Variants in KCND2 observed in about 807,000 individuals in gnomAD.
KCND2 encodes the protein potassium voltage-gated channel subfamily D member 2, also known as A-type voltage-gated potassium channel KCND2.
In KCND2, 16 loss-of-function variants were observed where a neutral mutation model predicts 54.4. The ratio of observed to expected loss-of-function variants is 0.29; its 90% CI spans 0.20 to 0.45. KCND2 has a LOEUF of 0.45. KCND2 is among the 20% of genes least tolerant of loss of function. KCND2 has a pLI of 1.00. For missense variants in KCND2, 486 were observed against 824.2 expected (o/e 0.59, Z 5.02); for synonymous variants, 317 against 310.7 (o/e 1.02, Z -0.21).
intron 1 of KCND2, among the ~76,000 whole-genome samples, chr7:120,474,210 G>A (rs571783181): frequency 6.6e-6 from 1 of 152,306 alleles, no homozygotes; most frequent in South Asian, 2.1e-4. Flanking sequence ...TCTGAAGTCA[G>A]TGGGCACTGT....
At chr7:120,524,531 T>C (rs1292548503) in intron 1 of KCND2, among the ~76,000 whole-genome samples, 1 of 152,218 alleles carries the variant, frequency 6.6e-6, no homozygotes, top group Non-Finnish European at 1.5e-5. Flanking sequence ...TTTTCCATAA[T>C]TACCATTGTA....
chr7:120,531,499 C>G (rs1157314257), intron 1 of KCND2, among the ~76,000 whole-genome samples: 1 of 152,080 alleles, frequency 6.6e-6, no homozygotes, highest in East Asian at 1.9e-4. Flanking sequence ...CTGTAACACT[C>G]CCCATCTTAG....
chr7:120,403,314 GT>G (rs72376752), intron 1 of KCND2, among the ~76,000 whole-genome samples: 7,863 of 143,436 alleles, frequency 0.055, 233 homozygotes, highest in Non-Finnish European at 0.07. Flanking sequence ...TATTATTCAT[GT>G]TTTTTTTTTT....
At chr7:120,280,389 C>A (rs1206695413) in intron 1 of KCND2, among the ~76,000 whole-genome samples, 2 of 152,028 alleles carry the variant, frequency 1.3e-5, no homozygotes, top group Admixed American at 6.6e-5. Context: ...GGTTGCCAGA[C>A]AGAGGTATTT....
chr7:120,427,713 AT>A lies in KCND2; in HGVS notation c.1115+151967del, dbSNP rs371291481. 3.6e-3 allele frequency among the ~76,000 whole-genome samples: 553 copies of A among 152,340 alleles called. 2 individuals carry two copies. Among genetic ancestry groups the A allele is most frequent in the Non-Finnish European group, 5.2e-3 (355 of 68,024 alleles). ...GGAATTATTTAATTCTAGTAAAAAA[AT>A]GTCAATATTTTTAAATCAAAAATCA... is the stretch of plus-strand genomic sequence containing the variant. On this transcript the variant is annotated intron_variant, in intron 1 of 5. Transcript: ENST00000331113.
chr7:120,290,374 G>T lies in KCND2; in HGVS notation c.1115+14627G>T, dbSNP rs528928743. 9.2e-5 allele frequency among the ~76,000 whole-genome samples: 14 copies of T among 152,054 alleles called. 1 individual carries two copies. The South Asian group carries it at 2.7e-3, about 29-fold the overall frequency. On this transcript the variant is annotated intron_variant, in intron 1 of 5. Coordinates refer to ENST00000331113, the MANE Select transcript of KCND2 (RefSeq NM_012281.3). ...ACATGAAATAAACTTAGAATTTTGA[G>T]ACCTTTTTGATATGCTGATTCATTC... is the stretch of plus-strand genomic sequence containing the variant.
intron 1 of KCND2, among the ~76,000 whole-genome samples, chr7:120,484,511 C>A (rs1237308279): frequency 2.7e-5 from 4 of 150,514 alleles, no homozygotes; most frequent in Non-Finnish European, 5.9e-5. Flanking sequence ...TAATACAGAA[C>A]CTCCAACTAA....
intron 5 of KCND2, 67 bp downstream of exon 5, chr7:120,746,094 A>G: frequency 6.4e-7 from 1 of 1,560,694 alleles, no homozygotes; most frequent in South Asian, 1.1e-5. Flanking sequence ...TTCTGCACTC[A>G]TGTTGTCACT....
chr7:120,457,544 A>T (rs2116231168), intron 1 of KCND2, among the ~76,000 whole-genome samples: 1 of 152,118 alleles, frequency 6.6e-6, no homozygotes, highest in East Asian at 1.9e-4. Context: ...GTTCTCAATA[A>T]TTTTTTCATC....
At chr7:120,376,554 T>C (rs1344891079) in intron 1 of KCND2, among the ~76,000 whole-genome samples, 1 of 150,706 alleles carries the variant, frequency 6.6e-6, no homozygotes, top group East Asian at 1.9e-4. Context: ...ATATATATGA[T>C]ATGTATTTAT....
At chr7:120,599,654 A>C (rs112623650) in intron 1 of KCND2, among the ~76,000 whole-genome samples, 4 of 152,098 alleles carry the variant, frequency 2.6e-5, no homozygotes, top group African/African-American at 9.6e-5. Flanking sequence ...AAAATTAATA[A>C]TTTTCATTGT....
At chr7:120,468,808 T>C (rs1407135305) in intron 1 of KCND2, among the ~76,000 whole-genome samples, 1 of 152,176 alleles carries the variant, frequency 6.6e-6, no homozygotes, top group Non-Finnish European at 1.5e-5. Flanking sequence ...AGCAGACAGA[T>C]TGATTTCCTG....
intron 1 of KCND2, among the ~76,000 whole-genome samples, chr7:120,532,064 T>A (rs1791849479): frequency 6.6e-6 from 1 of 152,104 alleles, no homozygotes; most frequent in Non-Finnish European, 1.5e-5. Context: ...TGAGGAGGAC[T>A]AAATTCTATT....
intron 1 of KCND2, among the ~76,000 whole-genome samples, chr7:120,582,395 A>G (rs184415551): frequency 2.0e-4 from 31 of 152,104 alleles, no homozygotes; most frequent in East Asian, 9.7e-4. Context: ...TTAATATTCT[A>G]TAGTCAAACT....
intron 1 of KCND2, among the ~76,000 whole-genome samples, chr7:120,633,807 T>C (rs1364475550): frequency 6.6e-6 from 1 of 152,202 alleles, no homozygotes; most frequent in Non-Finnish European, 1.5e-5. Context: ...CATGACTTCT[T>C]ACAATATGGC....
chr7:120,558,987 A>G (rs1162737510), intron 1 of KCND2, among the ~76,000 whole-genome samples: 3 of 133,962 alleles, frequency 2.2e-5, no homozygotes, highest in Non-Finnish European at 5.0e-5. Context: ...CAAAGTTCAC[A>G]AAGTACTGTG....
intron 1 of KCND2, among the ~76,000 whole-genome samples, chr7:120,404,511 T>A (rs987636240): frequency 6.6e-6 from 1 of 152,130 alleles, no homozygotes; most frequent in Non-Finnish European, 1.5e-5. Context: ...TGAGAAAAAT[T>A]CATAGATTTG....
intron 2 of KCND2, 151 bp from the exon 3 acceptor site, chr7:120,741,383 G>A (rs1175168962): frequency 1.5e-6 from 1 of 659,036 alleles, no homozygotes; most frequent in Admixed American, 2.4e-5. Flanking sequence ...CACTTAAAAA[G>A]GTAGAGAGGT....
intron 1 of KCND2, among the ~76,000 whole-genome samples, chr7:120,400,235 T>C (rs1252571582): frequency 1.3e-5 from 2 of 152,198 alleles, no homozygotes; most frequent in Non-Finnish European, 1.5e-5. Flanking sequence ...ACATATGCCA[T>C]ATTTAAATAT....
Sources: allele counts gnomAD v4.1 joint callset (sites outside exome capture counted in the v4.1 genomes callset), GRCh38; gene constraint gnomAD v4.1.1; transcripts MANE v1.5; gene names NCBI Gene and HGNC (gene_info 2026-07-23, HGNC 2026-07-21).